ACSL5: variants seen among roughly 807,000 people sequenced by gnomAD.
The protein encoded by ACSL5 is acyl-CoA synthetase long chain family member 5.
A neutral mutation model predicts 84.9 loss-of-function variants in ACSL5; 50 were observed. That is an observed-to-expected ratio of 0.59 (90% CI 0.47 to 0.75). The LOEUF is 0.75. Ranked by LOEUF, ACSL5 falls within the 30% of genes least tolerant of loss-of-function variation. ACSL5 has a pLI of 0.00. For synonymous variants in ACSL5, 280 were observed against 300.7 expected, an observed-to-expected ratio of 0.93 and a Z score of 0.71; for missense variants, 775 against 830.4, an observed-to-expected ratio of 0.93 and a Z score of 0.82.
At chr10:112,408,840 A>C (rs1031297557) in intron 6 of ACSL5, 2 of 215,488 alleles carry the variant, frequency 9.3e-6, no homozygotes, top group Non-Finnish European at 1.9e-5. Context: ...TAATTGACTT[A>C]ATCACAGTAA....
At chr10:112,410,827 A>G (rs1180666767) in intron 9 of ACSL5, among the ~76,000 whole-genome samples, 192 bp downstream of exon 9, 1 of 152,210 alleles carries the variant, frequency 6.6e-6, no homozygotes, top group East Asian at 1.9e-4. Context: ...TATTTAATAT[A>G]TTGGGAGGTG....
intron 11 of ACSL5, chr10:112,412,192 T>C (rs1027302543): frequency 1.8e-6 from 1 of 549,510 alleles, no homozygotes; most frequent in African/African-American, 1.9e-5. Context: ...CCAGGGAGGA[T>C]AGTACTTGCT....
chr10:112,396,644 T>C (rs1284569505), intron 2 of ACSL5, among the ~76,000 whole-genome samples: 2 of 152,130 alleles, frequency 1.3e-5, no homozygotes, highest in African/African-American at 4.8e-5. Context: ...GATGCTTAAG[T>C]AACTTAAGCT....
rs1377208294 is a variant in ACSL5 at position 112,421,663 on chromosome 10, C to T, written c.1385C>T (p.Ser462Leu). Residue 462 changes from serine to leucine, a missense_variant and splice_region_variant, in exon 15 of 21, where the codon TCA becomes TTA. Coordinates refer to ENST00000354655, the MANE Select transcript of ACSL5 (RefSeq NM_203379.2). ...CTFTLPGDWT[S>L]GHVGVPLACN... Reference sequence around the variant, plus strand: ...TTTACATTACCTGGGGACTGGACATCAGGTAAGTCCTCCATCTGCTGGGCA... The same window carrying T: ...TTTACATTACCTGGGGACTGGACATTAGGTAAGTCCTCCATCTGCTGGGCA... The T allele has an allele frequency of 1.9e-6, 3 of 1,613,078 alleles. No homozygotes were observed. In the African/African-American group the frequency reaches 4.0e-5, roughly 22 times the overall value.
intron 14 of ACSL5, among the ~76,000 whole-genome samples, chr10:112,420,705 T>C (rs1258971240): frequency 6.6e-6 from 1 of 152,128 alleles, no homozygotes; most frequent in Non-Finnish European, 1.5e-5. Context: ...TGCTGCATTT[T>C]CTTTTCTTTT....
At chr10:112,411,880 C>T in intron 10 of ACSL5, 22 bp from the exon 11 acceptor site, 1 of 1,605,510 alleles carries the variant, frequency 6.2e-7, no homozygotes, top group Non-Finnish European at 8.5e-7. Context: ...GTTGCCTCCT[C>T]TTACTTCCCT....
At chr10:112,412,083 G>T in intron 11 of ACSL5, 104 bp downstream of exon 11, 1 of 1,200,528 alleles carries the variant, frequency 8.3e-7, no homozygotes, top group Non-Finnish European at 1.2e-6. Flanking sequence ...TCTTTCTCCG[G>T]TGTGAGAGGT....
intron 6 of ACSL5, chr10:112,408,941 A>G (rs1296598838): frequency 6.0e-6 from 1 of 167,004 alleles, no homozygotes. Flanking sequence ...GCAGAAAATA[A>G]TTGTCGTTGT....
chr10:112,404,858 A>G (rs1008916213), intron 5 of ACSL5, 52 bp downstream of exon 5: 1 of 1,479,908 alleles, frequency 6.8e-7, no homozygotes, highest in Non-Finnish European at 9.3e-7. Context: ...AAGTTTAAAA[A>G]CTTCAAATGC....
intron 1 of ACSL5, among the ~76,000 whole-genome samples, chr10:112,380,748 G>C (rs1015627095): frequency 6.6e-6 from 1 of 152,116 alleles, no homozygotes; most frequent in African/African-American, 2.4e-5. Context: ...CAGCTTGATT[G>C]GTAGAATTGT....
In ACSL5 at chr10:112,417,883, G is replaced by A. The variant is rs1844356253; in HGVS notation, c.1256G>A (p.Gly419Glu). 2 of 1,613,794 alleles carry A rather than the reference G, an allele frequency of 1.2e-6. No homozygotes were observed. Among genetic ancestry groups the A allele is most frequent in the African/African-American group, 2.7e-5 (2 of 74,856 alleles). ...LGGRVRVIVT[G>E]AAPMSTSVMT... ...GGAAGGGTTCGTGTAATTGTCACTGGAGCTGCCCCCATGTCCACTTCAGTC... is the reference window on the plus strand; with the variant it reads ...GGAAGGGTTCGTGTAATTGTCACTGAAGCTGCCCCCATGTCCACTTCAGTC... Residue 419 changes from glycine to glutamate, a missense_variant, in exon 14 of 21, where the codon GGA (glycine) becomes GAA (glutamate). Physicochemically the swap from Gly to Glu is moderately conservative, Grantham distance 98 (BLOSUM62 -2). Coordinates refer to ENST00000354655, the MANE Select transcript of ACSL5 (RefSeq NM_203379.2).
intron 18 of ACSL5, 60 bp downstream of exon 18, chr10:112,425,541 T>C (rs1844637202): frequency 1.4e-6 from 2 of 1,381,120 alleles, no homozygotes; most frequent in African/African-American, 1.5e-5. Context: ...TTCTTGTAGC[T>C]ACAGGAAATT....
rs1382303613 is a variant in ACSL5 at position 112,411,915 on chromosome 10, C to T, written c.884C>T (p.Pro295Leu). The T allele has an allele frequency of 3.1e-6, 5 of 1,613,728 alleles. No homozygotes were observed. The East Asian group carries it at 6.7e-5, about 22-fold the overall frequency. Residue 295 changes from proline to leucine, a missense_variant, in exon 11 of 21, where the codon CCC (proline) becomes CTC (leucine). Coordinates refer to ENST00000354655, the MANE Select transcript of ACSL5 (RefSeq NM_203379.2). ...TGGCCTACATAGCATGCTTATGAGC[C>T]CACTCCTGATGATGTGGCCATATCC... Reference protein sequence around the residue: ...FLKCVEHAYEPTPDDVAISYL... With the variant: ...FLKCVEHAYELTPDDVAISYL...
In ACSL5 at chr10:112,409,586, G is replaced by A. The variant is rs370048480; in HGVS notation, c.612G>A (p.Pro204=). 203 of 1,613,992 alleles carry A rather than the reference G, an allele frequency of 1.3e-4. No individual in the cohort carries two copies. The highest frequency in any genetic ancestry group is 1.6e-4 in the Non-Finnish European group (185 of 1,180,000). The change falls in exon 7 of 21, where the codon CCG becomes CCA. Residue 204 remains proline (P), a synonymous_variant. Coordinates refer to ENST00000354655, the MANE Select transcript of ACSL5 (RefSeq NM_203379.2). ...GGAATGTAGAGAAAGGCTTCACCCC[G>A]AGCCTGAAGGTGATCATCCTTATGG... The part of the protein sequence containing the change: ...LIGNVEKGFT[P]SLKVIILMDP...
intron 2 of ACSL5, among the ~76,000 whole-genome samples, chr10:112,397,074 C>A (rs1348703594): frequency 1.3e-5 from 2 of 152,190 alleles, no homozygotes; most frequent in Non-Finnish European, 2.9e-5. Flanking sequence ...TGGACCACAC[C>A]CGCAGCACCT....
At position 112,422,412 on chromosome 10, in the gene ACSL5, CACA is replaced by C; in HGVS notation, c.1565_1567del (p.His522_Thr523delinsPro). Reference sequence around the variant, plus strand: ...AGCCCTGGACAGTGATGGCTGGCTTCACACAGGAGACATTGGTCGCTGGCTCCC... The same window carrying C: ...AGCCCTGGACAGTGATGGCTGGCTTCCAGGAGACATTGGTCGCTGGCTCCC... On this transcript the variant is annotated inframe_deletion, in exon 17 of 21. Transcript: ENST00000354655. 1 of 1,614,162 alleles carries C rather than the reference CACA, an allele frequency of 6.2e-7. No homozygotes were observed. The highest frequency in any genetic ancestry group is 8.5e-7 in the Non-Finnish European group (1 of 1,180,014).
chr10:112,396,891 G>C (rs1176335595), intron 2 of ACSL5, among the ~76,000 whole-genome samples: 1 of 152,146 alleles, frequency 6.6e-6, no homozygotes, highest in Non-Finnish European at 1.5e-5. Context: ...TTAACGTGAT[G>C]GCCCATGTAA....
intron 14 of ACSL5, among the ~76,000 whole-genome samples, chr10:112,420,233 G>T (rs2133657909): frequency 6.6e-6 from 1 of 152,080 alleles, no homozygotes; most frequent in East Asian, 1.9e-4. Flanking sequence ...TCCCAACTCT[G>T]CCTATCACAG....
chr10:112,402,951 T>C (rs984773726), intron 3 of ACSL5, among the ~76,000 whole-genome samples: 2 of 152,262 alleles, frequency 1.3e-5, no homozygotes, highest in South Asian at 2.1e-4. Context: ...ATGCCATTTA[T>C]TCTTGTAAAT....
Sources: allele counts gnomAD v4.1 joint callset (sites outside exome capture counted in the v4.1 genomes callset), GRCh38; gene constraint gnomAD v4.1.1; transcripts MANE v1.5; gene names NCBI Gene and HGNC (gene_info 2026-07-23, HGNC 2026-07-21).